TCERG1L: variants seen among roughly 807,000 people sequenced by gnomAD.
The protein encoded by TCERG1L is transcription elongation regulator 1-like protein.
TCERG1L carries 37 observed loss-of-function variants against 56.3 expected under a neutral mutation model. The observed-to-expected ratio is 0.66, with a 90% confidence interval of 0.51 to 0.87. The LOEUF is 0.87. Among genes scored for constraint, TCERG1L ranks in the 40% least tolerant of loss-of-function variants. The pLI is 0.00. For synonymous variants in TCERG1L, 324 were observed against 326.3 expected, an observed-to-expected ratio of 0.99 and a Z score of 0.08; for missense variants, 799 against 774.2, an observed-to-expected ratio of 1.03 and a Z score of -0.38.
chr10:131,177,154 A>G (rs1485636866), intron 4 of TCERG1L, among the ~76,000 whole-genome samples: 1 of 50,780 alleles, frequency 2.0e-5, no homozygotes, highest in Non-Finnish European at 8.1e-5. Flanking sequence ...ACACGTGTAC[A>G]CACAGAGACA....
At chr10:131,281,281 A>C (rs1846448754) in intron 3 of TCERG1L, among the ~76,000 whole-genome samples, 1 of 152,170 alleles carries the variant, frequency 6.6e-6, no homozygotes, top group African/African-American at 2.4e-5. Flanking sequence ...GAGCATGCTG[A>C]GGAATGCCCT....
At position 131,193,063 on chromosome 10, in the gene TCERG1L, G is replaced by A. The variant is rs1845320313; in HGVS notation, c.857-26178C>T. On this transcript the variant is annotated intron_variant, in intron 4 of 11. Coordinates refer to ENST00000368642, the MANE Select transcript of TCERG1L (RefSeq NM_174937.4). The stretch of plus-strand genomic sequence containing the variant: ...ATAATAGTTATTTTGACTAGGGTAA[G>A]ATGACATCTCATTGTGGTCTACATT... Among the ~76,000 whole-genome samples the A allele has an allele frequency of 2.0e-5, 3 of 152,194 alleles. No homozygotes were observed. The South Asian group carries it at 6.2e-4, about 32-fold the overall frequency.
intron 6 of TCERG1L, among the ~76,000 whole-genome samples, chr10:131,149,194 G>A (rs1248014661): frequency 6.6e-6 from 1 of 152,254 alleles, no homozygotes; most frequent in East Asian, 1.9e-4. Context: ...CCAAGATAGA[G>A]TGTATCACAC....
intron 3 of TCERG1L, among the ~76,000 whole-genome samples, chr10:131,302,985 C>A (rs949447954): frequency 1.3e-5 from 2 of 151,992 alleles, no homozygotes; most frequent in Non-Finnish European, 2.9e-5. Flanking sequence ...GCATAGTATT[C>A]CACGGTGTAT....
intron 4 of TCERG1L, among the ~76,000 whole-genome samples, chr10:131,201,111 C>T (rs1335859671): frequency 6.6e-6 from 1 of 152,212 alleles, no homozygotes; most frequent in African/African-American, 2.4e-5. Context: ...AGTTTCAACA[C>T]ATGAAACGTG....
intron 5 of TCERG1L, 104 bp downstream of exon 5, chr10:131,166,693 T>C (rs1344338082): frequency 5.9e-6 from 7 of 1,180,120 alleles, no homozygotes; most frequent in Non-Finnish European, 8.5e-6. Context: ...ATGGCAGTCA[T>C]TTCACAAACA....
chr10:131,146,755 C>G, intron 6 of TCERG1L, 95 bp from the exon 7 acceptor site: 1 of 1,393,404 alleles, frequency 7.2e-7, no homozygotes, highest in Non-Finnish European at 9.7e-7. Flanking sequence ...CCCTCAGGAC[C>G]GAAATCCACA....
In TCERG1L at chr10:131,103,238, A is replaced by T. The variant is rs982837212; in HGVS notation, c.1485+1027T>A. 6.6e-6 allele frequency among the ~76,000 whole-genome samples: 1 copy of T among 152,158 alleles called. No homozygotes were observed. The highest frequency in any genetic ancestry group is 1.5e-5 in the Non-Finnish European group (1 of 68,048). On this transcript the variant is annotated intron_variant, in intron 10 of 11. Transcript: ENST00000368642. The surrounding 1 kb of genome is among the most constrained non-coding windows in gnomAD (Gnocchi z 4.3). ...CAAGAATATTCAGGGAGGTAAAAAA[A>T]AGGCAATAATTTTTAAGGAAAAATA...
intron 4 of TCERG1L, among the ~76,000 whole-genome samples, chr10:131,219,112 T>C (rs1246053924): frequency 6.6e-6 from 1 of 152,154 alleles, no homozygotes; most frequent in South Asian, 2.1e-4. Context: ...GTCCTGGCTC[T>C]GCCTGCAGGC....
At chr10:131,178,535 A>ATCTG (rs985686767) in intron 4 of TCERG1L, among the ~76,000 whole-genome samples, 5 of 152,134 alleles carry the variant, frequency 3.3e-5, no homozygotes, top group African/African-American at 9.7e-5. Flanking sequence ...AAGGGCATGC[A>ATCTG]TCTGTCTGTC....
chr10:131,163,439 C>T (rs1845999023), intron 5 of TCERG1L, among the ~76,000 whole-genome samples: 2 of 152,146 alleles, frequency 1.3e-5, no homozygotes, highest in African/African-American at 2.4e-5. Context: ...CCCTCATTGT[C>T]CCCAGTTGTC....
intron 11 of TCERG1L, among the ~76,000 whole-genome samples, chr10:131,094,654 C>T (rs747838498): frequency 1.3e-5 from 2 of 152,018 alleles, no homozygotes; most frequent in Non-Finnish European, 2.9e-5. Flanking sequence ...CCTTCCTGCC[C>T]TCTCCCCTGC....
chr10:131,258,179 C>T (rs1175165238), intron 4 of TCERG1L, among the ~76,000 whole-genome samples: 1 of 152,210 alleles, frequency 6.6e-6, no homozygotes, highest in Non-Finnish European at 1.5e-5. Context: ...TAGGGGGCTG[C>T]CTGGGCATTC....
chr10:131,277,753 A>G (rs1846407960), intron 3 of TCERG1L, among the ~76,000 whole-genome samples: 1 of 151,878 alleles, frequency 6.6e-6, no homozygotes, highest in Non-Finnish European at 1.5e-5. Flanking sequence ...CGCAGATCTC[A>G]AGGAAGCAGG....
intron 7 of TCERG1L, among the ~76,000 whole-genome samples, chr10:131,143,409 C>T (rs1380603182): frequency 6.6e-6 from 1 of 152,142 alleles, no homozygotes; most frequent in African/African-American, 2.4e-5. Flanking sequence ...TGTATTCCCT[C>T]TCTCTCCCTC....
chr10:131,264,257 C>A (rs1017768740), intron 3 of TCERG1L, among the ~76,000 whole-genome samples: 8 of 152,296 alleles, frequency 5.3e-5, no homozygotes, highest in African/African-American at 1.9e-4. Context: ...GGCAACACAC[C>A]CTGCCCTTGC....
intron 4 of TCERG1L, among the ~76,000 whole-genome samples, chr10:131,180,872 T>C (rs1845167136): frequency 1.3e-5 from 2 of 151,754 alleles, no homozygotes; most frequent in African/African-American, 4.8e-5. Context: ...GTGATTATAA[T>C]ATAAAAGGGA....
chr10:131,199,221 G>A (rs1442419006), intron 4 of TCERG1L, among the ~76,000 whole-genome samples: 2 of 152,166 alleles, frequency 1.3e-5, no homozygotes, highest in Non-Finnish European at 2.9e-5. Flanking sequence ...TGATCAAAGG[G>A]TGCCTTGGCT....
At chr10:131,172,362 A>G (rs551052054) in intron 4 of TCERG1L, among the ~76,000 whole-genome samples, 1 of 152,280 alleles carries the variant, frequency 6.6e-6, no homozygotes, top group East Asian at 1.9e-4. Context: ...AGAGAATTTC[A>G]CCTTTCTATT....
Sources: allele counts gnomAD v4.1 joint callset (sites outside exome capture counted in the v4.1 genomes callset), GRCh38; gene constraint gnomAD v4.1.1; non-coding constraint Gnocchi (gnomAD v3.1); transcripts MANE v1.5; gene names NCBI Gene and HGNC (gene_info 2026-07-23, HGNC 2026-07-21).